The following ZNF41 variants were observed in gnomAD, a reference collection of about 807,000 sequenced individuals.
ZNF41 encodes zinc finger protein 41.
A neutral mutation model predicts 9.3 loss-of-function variants in ZNF41; 6 were observed. The observed-to-expected ratio is 0.65, with a 90% CI of 0.35 to 1.28. ZNF41 has a LOEUF of 1.28. ZNF41 is among the 50% of genes most tolerant of loss of function. ZNF41 has a pLI of 0.03. For missense variants in ZNF41, 523 were observed against 585.8 expected, an observed-to-expected ratio of 0.89 and a Z score of 1.11; for synonymous variants, 192 against 207.1, an observed-to-expected ratio of 0.93 and a Z score of 0.63.
chrX:47,471,792 C>T (rs2057200355), intron 1 of ZNF41, among the ~76,000 whole-genome samples: 1 of 111,470 alleles, frequency 9.0e-6, no homozygotes, highest in Non-Finnish European at 1.9e-5. Flanking sequence ...TCACTAAGAG[C>T]CACAGAAAAA....
At chrX:47,477,549 A>T (rs774778610) in intron 1 of ZNF41, among the ~76,000 whole-genome samples, 18 of 112,607 alleles carry the variant, frequency 1.6e-4, no homozygotes, top group South Asian at 1.1e-3. Context: ...AGCCAAAAAA[A>T]TTTTTTAAAA....
intron 1 of ZNF41, among the ~76,000 whole-genome samples, chrX:47,479,600 T>C (rs775083405): frequency 2.2e-4 from 24 of 108,721 alleles, no homozygotes; most frequent in Non-Finnish European, 4.0e-4. Context: ...TTGGATTGAA[T>C]ATGAAATAAA....
chrX:47,477,966 A>G (rs995318829), intron 1 of ZNF41, among the ~76,000 whole-genome samples: 2 of 112,863 alleles, frequency 1.8e-5, no homozygotes, highest in African/African-American at 6.4e-5. Context: ...CGACTGATGA[A>G]TGGATAAACA....
chrX:47,475,184 C>A (rs1402299831), intron 1 of ZNF41, among the ~76,000 whole-genome samples: 1 of 107,605 alleles, frequency 9.3e-6, no homozygotes, highest in Non-Finnish European at 1.9e-5. Context: ...TATATATACA[C>A]CCACACACCT....
intron 1 of ZNF41, among the ~76,000 whole-genome samples, chrX:47,474,724 AG>A (rs1199547826): frequency 1.8e-5 from 2 of 108,613 alleles, no homozygotes; most frequent in Non-Finnish European, 3.8e-5. Context: ...CAAAAAATTT[AG>A]AAAGTAGCCA....
intron 2 of ZNF41, among the ~76,000 whole-genome samples, chrX:47,465,552 G>A (rs935165126): frequency 1.8e-5 from 2 of 111,394 alleles, no homozygotes; most frequent in Non-Finnish European, 3.8e-5. Flanking sequence ...ATTATTATTC[G>A]TCAATTAAAA....
In ZNF41 at chrX:47,449,134, C is replaced by A. The variant is rs2056259067; in HGVS notation, c.636G>T (p.Lys212Asn). 1 of 1,211,407 alleles carries A rather than the reference C, an allele frequency of 8.3e-7. No homozygotes were observed. The highest frequency in any genetic ancestry group is 1.1e-6 in the Non-Finnish European group (1 of 895,469). Residue 212 changes from lysine to asparagine, a missense_variant, in exon 5 of 5, where the codon AAG becomes AAT. Lys to Asn is a moderately conservative substitution (Grantham distance 94). Transcript: ENST00000684689. ...CATTTCCAAAAATCTTGCCAAGGTT[C>A]TTTGTTGCACTGTTTCTATTATGAT... ...SHNHNRNSAT[K>N]NLGKIFGNGN...
rs1271968963 is a variant in ZNF41, at chrX:47,448,912, C to T, written c.858G>A (p.Leu286=). Residue 286 remains leucine, a synonymous_variant, in exon 5 of 5, where the codon CTG becomes CTA. Transcript: ENST00000684689. ...CAGCATGAATTCTCTGATGCTCAAA[C>T]AGATGTGACTTCTGAGTGAAGCCCA... The part of the protein sequence containing the change: ...CVMGFTQKSH[L]FEHQRIHAGE... 8.3e-7 allele frequency: 1 copy of T among 1,211,742 alleles called. No individual in the cohort carries two copies. The highest frequency in any genetic ancestry group is 3.0e-5 in the East Asian group (1 of 33,853).
At position 47,446,911 on chromosome X, in the gene ZNF41, G is replaced by A. The variant is rs779553252; in HGVS notation, c.*519C>T. 2 of 114,581 alleles carry A rather than the reference G, an allele frequency of 1.7e-5. No individual in the cohort carries two copies. Among genetic ancestry groups the A allele is most frequent in the Non-Finnish European group, 3.6e-5 (2 of 54,957 alleles). 9.4% of individuals were successfully genotyped at this position (114,581 alleles called of 1,213,427 possible). ...CCAATGATCACAAAAACAGATATCT[G>A]CATTCCCAAGTAGGTTTTCTGCCTT... On this transcript the variant is annotated 3_prime_UTR_variant, in exon 5 of 5. Transcript: ENST00000684689.
intron 1 of ZNF41, among the ~76,000 whole-genome samples, chrX:47,472,691 C>A (rs1458525763): frequency 9.1e-6 from 1 of 109,623 alleles, no homozygotes; most frequent in Non-Finnish European, 1.9e-5. Flanking sequence ...AGTGCCTCAG[C>A]CTCCCAAAGA....
chrX:47,470,413 A>AAC lies in ZNF41; in HGVS notation c.-279-2654_-279-2653insGT, dbSNP rs1411797033. 6.2e-3 allele frequency among the ~76,000 whole-genome samples: 296 copies of AAC among 47,464 alleles called. 1 individual carries two copies. The highest frequency in any genetic ancestry group is 0.026 in the South Asian group (27 of 1,023). The allele number at this position is 47,464 out of a possible 115,157, so 41.2% of individuals were successfully genotyped here. On this transcript the variant is annotated intron_variant, in intron 1 of 4. Transcript: ENST00000684689. ...GGTGACAGAGCGAGACTCCGTCTCA[A>AAC]AAAAAAAAAAAAAAAAAAGAGAAAC...
At position 47,475,162 on chromosome X, in the gene ZNF41, T is replaced by A. The variant is rs371786356; in HGVS notation, c.-279-7402A>T. ...AAGGTAAAAGAGAAAGGAAAAAAAA[T>A]ATATATATATGTATATATACACCCA... On this transcript the variant is annotated intron_variant, in intron 1 of 4. Transcript: ENST00000684689. Among the ~76,000 whole-genome samples, 312 of 104,740 alleles carry A rather than the reference T, an allele frequency of 3.0e-3. 4 individuals are homozygous for A. Among genetic ancestry groups the A allele is most frequent in the Middle Eastern group, 0.015 (3 of 205 alleles). 91.0% of individuals were successfully genotyped at this position (104,740 alleles called of 115,157 possible).
chrX:47,477,639 G>A (rs372958993), intron 1 of ZNF41, among the ~76,000 whole-genome samples: 10 of 112,498 alleles, frequency 8.9e-5, no homozygotes, highest in African/African-American at 2.6e-4. Context: ...CAGTATATAA[G>A]TGATTGACTC....
intron 4 of ZNF41, among the ~76,000 whole-genome samples, chrX:47,452,889 G>C (rs2056419590): frequency 9.0e-6 from 1 of 111,692 alleles, no homozygotes; most frequent in Non-Finnish European, 1.9e-5. Context: ...ACCACGCCTG[G>C]CTGCAAAGAA....
rs201140907 is a variant in ZNF41, at chrX:47,456,440, T to G, written c.73-42A>C. On this transcript the variant is annotated intron_variant, in intron 2 of 4. Transcript: ENST00000684689. ...CTGTTCAAGGCAGCATGGTCAGCAC[T>G]GGGGGATGGAAGAAGGTAGATAGCA... 5.0e-4 allele frequency: 600 copies of G among 1,208,674 alleles called. 1 individual carries two copies. The highest frequency in any genetic ancestry group is 2.9e-3 in the African/African-American group (164 of 57,203).
intron 2 of ZNF41, among the ~76,000 whole-genome samples, chrX:47,463,506 C>T (rs2056887218): frequency 9.0e-6 from 1 of 111,380 alleles, no homozygotes; most frequent in Non-Finnish European, 1.9e-5. Flanking sequence ...GGCCCTCGGG[C>T]TGTTAACTCG....
intron 1 of ZNF41, among the ~76,000 whole-genome samples, chrX:47,482,024 C>A (rs1384992669): frequency 3.6e-5 from 4 of 109,966 alleles, no homozygotes; most frequent in African/African-American, 1.0e-4. Context: ...CCAGCAGGAA[C>A]CTTGGTCAAT....
At chrX:47,461,014 CAG>C (rs2056764875) in intron 2 of ZNF41, among the ~76,000 whole-genome samples, 1 of 110,884 alleles carries the variant, frequency 9.0e-6, no homozygotes, top group South Asian at 3.7e-4. Flanking sequence ...GGTTTAAAAA[CAG>C]TGATTTTAAA....
At chrX:47,459,742 T>TAAAAAAAAAAAAA (rs768291943) in intron 2 of ZNF41, among the ~76,000 whole-genome samples, 6 of 16,120 alleles carry the variant, frequency 3.7e-4, no homozygotes, top group Admixed American at 8.3e-4. Context: ...AGACCCTATC[T>TAAAAAAAAAAAAA]AAAAAAAAAA....
Sources: gnomAD v4.1 joint callset for allele counts (sites outside exome capture counted in the v4.1 genomes callset) on GRCh38, gnomAD v4.1.1 for gene constraint, MANE v1.5 for transcripts, NCBI Gene and HGNC (gene_info 2026-07-23, HGNC 2026-07-21) for gene names.